Variants in RGS13 observed in about 807,000 individuals in gnomAD.
RGS13 encodes regulator of G protein signaling 13.
A neutral mutation model predicts 19.9 loss-of-function variants in RGS13; 14 were observed. The ratio of observed to expected loss-of-function variants is 0.70; its 90% confidence interval spans 0.46 to 1.10. RGS13 has a LOEUF of 1.10. RGS13 is among the 50% of genes least tolerant of loss of function. The pLI, the probability that RGS13 is intolerant of heterozygous loss-of-function variation, is 0.00. For missense variants in RGS13, 205 were observed against 187.1 expected (o/e 1.10, Z -0.56); for synonymous variants, 60 against 56.8 (o/e 1.06, Z -0.25).
Position 192,659,635 on chromosome 1 carries a change from A to C in RGS13, c.*112A>C, listed in dbSNP as rs1343944216. 1.3e-6 allele frequency: 1 copy of C among 751,756 alleles called. No homozygotes were observed. Among genetic ancestry groups the C allele is most frequent in the Admixed American group, 3.2e-5 (1 of 31,288 alleles). The allele number at this position is 751,756 out of a possible 1,614,324, so 46.6% of individuals were successfully genotyped here. A position where few individuals can be genotyped will look rare whatever the true frequency, so the allele number is the denominator to read the frequency against. On this transcript the variant is annotated 3_prime_UTR_variant, in exon 7 of 7. Coordinates refer to ENST00000391995, the MANE Select transcript of RGS13 (RefSeq NM_002927.5). ...ACAGTACAAATAAAACAGAAATCAA[A>C]CTATAAGTTGACTTTTAGTTCCTAA...
At chr1:192,646,425 G>A (rs1312539082) in intron 4 of RGS13, 2 of 152,242 alleles carry the variant, frequency 1.3e-5, no homozygotes, top group African/African-American at 4.8e-5. Context: ...GTTGTTGAAA[G>A]CAGAACAATT....
intron 2 of RGS13, 117 bp downstream of exon 2, chr1:192,637,777 T>A (rs1474799008): frequency 6.6e-6 from 1 of 152,056 alleles, no homozygotes; most frequent in Non-Finnish European, 1.5e-5. Context: ...TTTAAAGTTA[T>A]TTTTTATTTT....
At chr1:192,655,935 AT>A (rs1175706452) in intron 5 of RGS13, among the ~76,000 whole-genome samples, 1 of 152,114 alleles carries the variant, frequency 6.6e-6, no homozygotes, top group Non-Finnish European at 1.5e-5. Context: ...ATATGGCTTC[AT>A]TAGCAAAGGA....
chr1:192,658,861 TG>T (rs1663496251), intron 6 of RGS13: 2 of 159,768 alleles, frequency 1.3e-5, no homozygotes, highest in East Asian at 3.7e-4. Context: ...GGAAAATACT[TG>T]GTTTATTGAA....
chr1:192,646,125 A>G (rs987899955), intron 4 of RGS13: 1 of 152,198 alleles, frequency 6.6e-6, no homozygotes, highest in Non-Finnish European at 1.5e-5. Context: ...TTTGAAAGCA[A>G]TCTTAACACA....
At chr1:192,656,800 T>A (rs1318483171) in intron 5 of RGS13, among the ~76,000 whole-genome samples, 2 of 152,030 alleles carry the variant, frequency 1.3e-5, no homozygotes, top group Non-Finnish European at 2.9e-5. Flanking sequence ...GAGATCTACT[T>A]CTATTTGAGT....
chr1:192,659,559 T>C lies in RGS13; in HGVS notation c.*36T>C, dbSNP rs1274237329. 4 of 1,447,908 alleles carry C rather than the reference T, an allele frequency of 2.8e-6. No individual in the cohort carries two copies. Among genetic ancestry groups the C allele is most frequent in the South Asian group, 1.3e-5 (1 of 78,954 alleles). 89.7% of individuals were successfully genotyped at this position (1,447,908 alleles called of 1,614,324 possible). On this transcript the variant is annotated 3_prime_UTR_variant, in exon 7 of 7. Transcript: ENST00000391995. Reference sequence around the variant, plus strand: ...AAAGTTTAAATAGAAAACAGTATATTGAAAGTGGTGGGTTTGATCTTTTTA... The same window carrying C: ...AAAGTTTAAATAGAAAACAGTATATCGAAAGTGGTGGGTTTGATCTTTTTA...
At chr1:192,646,664 A>G (rs144806696) in intron 4 of RGS13, 167 of 151,962 alleles carry the variant, frequency 1.1e-3, no homozygotes, top group African/African-American at 3.9e-3. Context: ...CCCCCACCCT[A>G]CAACAGGCCC....
At chr1:192,658,660 G>A in intron 6 of RGS13, 2 of 269,212 alleles carry the variant, frequency 7.4e-6, no homozygotes, top group Non-Finnish European at 1.4e-5. Context: ...AGAAAAAAAG[G>A]AGTCTGTGGC....
rs202176820 is a variant in RGS13, at chr1:192,644,405, T to C, written c.65+6T>C. 1,284 of 1,600,506 alleles carry C rather than the reference T, an allele frequency of 8.0e-4. 1 individual carries two copies. Among genetic ancestry groups the C allele is most frequent in the Admixed American group, 1.1e-3 (63 of 59,764 alleles). On this transcript the variant is annotated splice_donor_region_variant and intron_variant, in intron 4 of 6. Coordinates refer to ENST00000391995, the MANE Select transcript of RGS13 (RefSeq NM_002927.5). ...TCTAAGAGGCCCCCTTCAAAGTAAG[T>C]AGCATTTAAGTTTCTATGGTAATTG...
chr1:192,649,157 C>A lies in RGS13; in HGVS notation c.127+1170C>A, dbSNP rs865897567. On this transcript the variant is annotated intron_variant, in intron 5 of 6. Coordinates refer to ENST00000391995, the MANE Select transcript of RGS13 (RefSeq NM_002927.5). ...GGGCATTTGGGGCCATAGTTTCTTT[C>A]TTTGATGCAATCGCCACTGGCTTTC... Among the ~76,000 whole-genome samples the A allele has an allele frequency of 2.0e-5, 3 of 152,122 alleles. 1 individual carries two copies. In the South Asian group the frequency reaches 6.2e-4, roughly 31 times the overall value.
At chr1:192,645,969 G>A (rs1220330730) in intron 4 of RGS13, 1 of 152,108 alleles carries the variant, frequency 6.6e-6, no homozygotes, top group Non-Finnish European at 1.5e-5. Context: ...TATATAATGG[G>A]AATGATTAGA....
chr1:192,645,701 CA>C (rs1210517570), intron 4 of RGS13: 1 of 152,026 alleles, frequency 6.6e-6, no homozygotes, highest in Non-Finnish European at 1.5e-5. Context: ...CTAATAAAGG[CA>C]CCTGGATAGC....
intron 5 of RGS13, among the ~76,000 whole-genome samples, chr1:192,653,563 C>T (rs1663381952): frequency 6.6e-6 from 1 of 151,940 alleles, no homozygotes; most frequent in East Asian, 1.9e-4. Flanking sequence ...AAAGGGGAAA[C>T]AACCTAAAAC....
chr1:192,659,694 A>G lies in RGS13; in HGVS notation c.*171A>G, dbSNP rs1663576174. 4 of 575,702 alleles carry G rather than the reference A, an allele frequency of 6.9e-6. No individual in the cohort carries two copies. Among genetic ancestry groups the G allele is most frequent in the Non-Finnish European group, 1.2e-5 (4 of 328,250 alleles). 35.7% of individuals were successfully genotyped at this position (575,702 alleles called of 1,614,324 possible). ...ATATTTCAAAAGCAATGGAATCTAG[A>G]ATTCTTATAACATGAATAACAAAAT... On this transcript the variant is annotated 3_prime_UTR_variant, in exon 7 of 7. Coordinates refer to ENST00000391995, the MANE Select transcript of RGS13 (RefSeq NM_002927.5).
intron 4 of RGS13, chr1:192,644,730 C>T (rs113233830): frequency 2.8e-5 from 5 of 180,598 alleles, no homozygotes; most frequent in African/African-American, 7.1e-5. Flanking sequence ...CCTCCACATA[C>T]GAAGTGCCAG....
chr1:192,655,029 C>G (rs1050802018), intron 5 of RGS13, among the ~76,000 whole-genome samples: 6 of 152,102 alleles, frequency 3.9e-5, no homozygotes, highest in African/African-American at 1.4e-4. Context: ...GAACAGCCTA[C>G]ATTGCCTGAT....
chr1:192,636,990 A>G (rs1663028209), intron 1 of RGS13, among the ~76,000 whole-genome samples: 1 of 151,956 alleles, frequency 6.6e-6, no homozygotes, highest in Admixed American at 6.6e-5. Context: ...ATGTAAACAG[A>G]CAGAATTGCT....
At chr1:192,649,975 C>A (rs561326632) in intron 5 of RGS13, among the ~76,000 whole-genome samples, 1 of 152,120 alleles carries the variant, frequency 6.6e-6, no homozygotes, top group African/African-American at 2.4e-5. Context: ...ACCTTTCAAA[C>A]CCCTGAGAGA....
Sources: gnomAD v4.1 joint callset for allele counts (sites outside exome capture counted in the v4.1 genomes callset) on GRCh38, gnomAD v4.1.1 for gene constraint, MANE v1.5 for transcripts, NCBI Gene and HGNC (gene_info 2026-07-23, HGNC 2026-07-21) for gene names.